The following RCAN2 variants were observed in gnomAD, a reference collection of about 807,000 sequenced individuals.
RCAN2 encodes calcipressin-2.
Under a neutral mutation model 23.6 loss-of-function variants are expected in RCAN2, and 9 were observed. That is an observed-to-expected ratio of 0.38 (90% CI 0.23 to 0.67). The LOEUF (loss-of-function observed/expected upper bound fraction) is 0.67, where lower values mean the gene tolerates loss of function less well. Among genes scored for constraint, RCAN2 ranks in the 30% least tolerant of loss-of-function variants. The pLI is 0.51. For synonymous variants in RCAN2, 109 were observed against 115.7 expected (o/e 0.94, Z 0.37); for missense variants, 273 against 302.3 (o/e 0.90, Z 0.72).
At chr6:46,256,361 T>G (rs1661684623) in intron 2 of RCAN2, among the ~76,000 whole-genome samples, 1 of 138,508 alleles carries the variant, frequency 7.2e-6, no homozygotes, top group Admixed American at 7.2e-5. Context: ...CAGAGCGAGA[T>G]TCTGTCTCAA....
intron 1 of RCAN2, among the ~76,000 whole-genome samples, chr6:46,461,774 C>T (rs773858943): frequency 1.4e-4 from 22 of 151,970 alleles, no homozygotes; most frequent in Non-Finnish European, 3.1e-4. Flanking sequence ...TTAGTAGAGA[C>T]GGAGTTTTTC....
At position 46,236,638 on chromosome 6, in the gene RCAN2, C is replaced by T. The variant is rs554079659; in HGVS notation, c.571+10110G>A. On this transcript the variant is annotated intron_variant, in intron 4 of 4. Transcript: ENST00000371374. Reference sequence around the variant, plus strand: ...TGTGATTGATTTATGAAGAGCATCACGCTTGGTCATTACTAACATACTTGA... The same window carrying T: ...TGTGATTGATTTATGAAGAGCATCATGCTTGGTCATTACTAACATACTTGA... Among the ~76,000 whole-genome samples, 64 of 152,290 alleles carry T rather than the reference C, an allele frequency of 4.2e-4. 1 individual carries two copies. The highest frequency in any genetic ancestry group is 1.7e-3 in the South Asian group (8 of 4,828).
At chr6:46,265,346 G>A (rs931334699) in intron 2 of RCAN2, among the ~76,000 whole-genome samples, 4 of 152,076 alleles carry the variant, frequency 2.6e-5, no homozygotes, top group African/African-American at 9.7e-5. Context: ...TATAGGCATC[G>A]TTCAGTGCCA....
intron 2 of RCAN2, among the ~76,000 whole-genome samples, chr6:46,411,161 T>C (rs1279823540): frequency 2.0e-5 from 3 of 152,222 alleles, no homozygotes; most frequent in Non-Finnish European, 2.9e-5. Context: ...ATGTGTCATA[T>C]ACCTATGATG....
At chr6:46,472,209 A>G (rs2150442079) in intron 1 of RCAN2, among the ~76,000 whole-genome samples, 1 of 152,358 alleles carries the variant, frequency 6.6e-6, no homozygotes, top group East Asian at 1.9e-4. Context: ...CTTTTGGGCC[A>G]GCTTGGGGAT....
chr6:46,240,741 TG>T (rs1282043441), intron 4 of RCAN2, among the ~76,000 whole-genome samples: 6 of 152,206 alleles, frequency 3.9e-5, no homozygotes, highest in African/African-American at 1.4e-4. Flanking sequence ...AATCAGAGCC[TG>T]GAATAGAAAA....
chr6:46,334,770 C>T (rs1375217892), intron 2 of RCAN2, among the ~76,000 whole-genome samples: 1 of 152,196 alleles, frequency 6.6e-6, no homozygotes, highest in African/African-American at 2.4e-5. Flanking sequence ...AGATACCTTA[C>T]AGCTAATCAC....
chr6:46,294,057 A>G (rs1285898666), intron 2 of RCAN2, among the ~76,000 whole-genome samples: 1 of 152,202 alleles, frequency 6.6e-6, no homozygotes, highest in Non-Finnish European at 1.5e-5. Flanking sequence ...TGCCAAGCTA[A>G]GGCATTTCAA....
chr6:46,413,064 C>G (rs1766592844), intron 2 of RCAN2, among the ~76,000 whole-genome samples: 1 of 152,116 alleles, frequency 6.6e-6, no homozygotes. Flanking sequence ...TATGAAGATG[C>G]AATGAATAAG....
intron 2 of RCAN2, among the ~76,000 whole-genome samples, chr6:46,363,565 T>G (rs1465202050): frequency 1.3e-5 from 2 of 152,134 alleles, no homozygotes; most frequent in Admixed American, 1.3e-4. Context: ...AAGATGAGCA[T>G]GACTTATAAT....
chr6:46,337,024 G>A (rs141229361), intron 2 of RCAN2, among the ~76,000 whole-genome samples: 2 of 151,608 alleles, frequency 1.3e-5, no homozygotes, highest in African/African-American at 2.4e-5. Flanking sequence ...GTAGATCATG[G>A]TAACTGTAAC....
intron 2 of RCAN2, among the ~76,000 whole-genome samples, chr6:46,348,652 A>G (rs1764560213): frequency 6.6e-6 from 1 of 152,138 alleles, no homozygotes; most frequent in South Asian, 2.1e-4. Context: ...CATTTACTAT[A>G]TCTGGGTTCT....
At chr6:46,225,119 T>C (rs963586153) in intron 4 of RCAN2, among the ~76,000 whole-genome samples, 1 of 152,204 alleles carries the variant, frequency 6.6e-6, no homozygotes, top group African/African-American at 2.4e-5. Flanking sequence ...AACTCATCCT[T>C]TTTTATGGCT....
chr6:46,415,040 C>A (rs1766666164), intron 2 of RCAN2, among the ~76,000 whole-genome samples: 1 of 152,052 alleles, frequency 6.6e-6, no homozygotes, highest in African/African-American at 2.4e-5. Flanking sequence ...TAGACTGGGG[C>A]CAGATCATGT....
chr6:46,373,070 A>T (rs1393779862), intron 2 of RCAN2, among the ~76,000 whole-genome samples: 2 of 152,198 alleles, frequency 1.3e-5, no homozygotes, highest in African/African-American at 4.8e-5. Flanking sequence ...TCCTAGCAGT[A>T]AGCTACAGTG....
At chr6:46,326,207 C>A (rs1763791017) in intron 2 of RCAN2, among the ~76,000 whole-genome samples, 1 of 152,164 alleles carries the variant, frequency 6.6e-6, no homozygotes, top group South Asian at 2.1e-4. Context: ...TGTGGAAATT[C>A]TATTTGAAGG....
chr6:46,429,487 G>A (rs74361104), intron 2 of RCAN2, among the ~76,000 whole-genome samples: 2,243 of 152,208 alleles, frequency 0.015, 24 homozygotes, highest in Non-Finnish European at 0.021. Flanking sequence ...AGTTTTCTTG[G>A]TTATTACACT....
Position 46,384,065 on chromosome 6 carries a change from G to C in RCAN2, c.225+72687C>G, listed in dbSNP as rs913437566. Among the ~76,000 whole-genome samples the C allele has an allele frequency of 7.2e-5, 11 of 152,312 alleles. No homozygotes were observed. In the East Asian group the frequency reaches 2.1e-3, roughly 29 times the overall value. ...CCAGGAGGGATCCCGCGCAGTAGCT[G>C]CATCTCCTTTCTGTTGCCAGCAGCC... On this transcript the variant is annotated intron_variant, in intron 2 of 4. Coordinates refer to ENST00000371374, the MANE Select transcript of RCAN2 (RefSeq NM_001251974.2).
At chr6:46,460,423 C>A (rs1582220702) in intron 1 of RCAN2, among the ~76,000 whole-genome samples, 2 of 152,140 alleles carry the variant, frequency 1.3e-5, no homozygotes, top group South Asian at 2.1e-4. Flanking sequence ...TTGAGGCAAC[C>A]ATTGTCTACC....
Sources: allele counts gnomAD v4.1 joint callset (sites outside exome capture counted in the v4.1 genomes callset), GRCh38; gene constraint gnomAD v4.1.1; transcripts MANE v1.5; gene names NCBI Gene and HGNC (gene_info 2026-07-23, HGNC 2026-07-21).